The following CRYBG1 variants were observed in gnomAD, a reference collection of about 807,000 sequenced individuals.
CRYBG1 encodes crystallin beta-gamma domain containing 1.
In CRYBG1, 139 loss-of-function variants were observed where a neutral mutation model predicts 189.2. The observed-to-expected ratio is 0.73, with a 90% confidence interval of 0.64 to 0.85. The LOEUF is 0.85. Ranked by LOEUF, CRYBG1 falls within the 40% of genes least tolerant of loss-of-function variation. The pLI is 0.00. For synonymous variants in CRYBG1, 1,023 were observed against 1,017.1 expected (o/e 1.01, Z -0.11); for missense variants, 2,611 against 2,675.8 (o/e 0.98, Z 0.53).
rs1002597970 is a variant in CRYBG1, at chr6:106,385,814, T to C, written c.173+24733T>C. Among the ~76,000 whole-genome samples the C allele has an allele frequency of 3.3e-5, 5 of 152,296 alleles. No individual in the cohort carries two copies. The East Asian group carries it at 9.6e-4, about 29-fold the overall frequency. ...AACCACAGCCTCTCTTAAAAATTCATGACAAACGTTCTTAGCAGCAGGCAG... is the reference window on the plus strand; with the variant it reads ...AACCACAGCCTCTCTTAAAAATTCACGACAAACGTTCTTAGCAGCAGGCAG... On this transcript the variant is annotated intron_variant, in intron 1 of 21. Transcript: ENST00000633556.
At chr6:106,499,177 G>T (rs1772931119) in intron 2 of CRYBG1, among the ~76,000 whole-genome samples, 1 of 129,268 alleles carries the variant, frequency 7.7e-6, no homozygotes, top group Non-Finnish European at 1.6e-5. Context: ...TTTTGAGACG[G>T]AGTCTCTCTC....
intron 2 of CRYBG1, among the ~76,000 whole-genome samples, chr6:106,492,430 A>C (rs6568442): frequency 0.53 from 80,514 of 151,942 alleles, 21,679 homozygotes; most frequent in Non-Finnish European, 0.56. Context: ...GAATTAGATT[A>C]GTATTAGATT....
At chr6:106,454,837 G>C (rs1232556731) in intron 2 of CRYBG1, 1 of 152,344 alleles carries the variant, frequency 6.6e-6, no homozygotes, top group African/African-American at 2.4e-5. Flanking sequence ...ATGCTGGTCC[G>C]AGTGCAGTGG....
intron 13 of CRYBG1, among the ~76,000 whole-genome samples, chr6:106,550,550 AC>A (rs1232590516): frequency 2.7e-5 from 4 of 147,622 alleles, no homozygotes; most frequent in Admixed American, 1.3e-4. Flanking sequence ...AGAGAAAAAA[AC>A]ATTCCAAAAG....
Position 106,512,958 on chromosome 6 carries a change from C to T in CRYBG1, c.1841C>T (p.Pro614Leu), listed in dbSNP as rs745419471. 3.7e-6 allele frequency: 6 copies of T among 1,610,988 alleles called. No individual in the cohort carries two copies. Among genetic ancestry groups the T allele is most frequent in the African/African-American group, 2.7e-5 (2 of 74,926 alleles). The change falls in exon 3 of 22, where the codon CCT becomes CTT. Residue 614 changes from proline to leucine, a missense_variant. Coordinates refer to ENST00000633556, the MANE Select transcript of CRYBG1 (RefSeq NM_001371242.2). ...SRELGRAAGAPGASDADGLKP... is the reference protein window; with the variant it reads ...SRELGRAAGALGASDADGLKP... ...GAGCTGGGCAGAGCGGCCGGAGCGC[C>T]TGGAGCTTCTGACGCCGACGGCTTG...
intron 19 of CRYBG1, 55 bp from the exon 20 acceptor site, chr6:106,561,287 C>A: frequency 6.4e-7 from 1 of 1,560,602 alleles, no homozygotes; most frequent in South Asian, 1.2e-5. Context: ...CATGCTTGTT[C>A]AGTGCTTCCA....
chr6:106,468,065 A>G (rs1772149650), intron 2 of CRYBG1, among the ~76,000 whole-genome samples: 1 of 152,194 alleles, frequency 6.6e-6, no homozygotes. Context: ...AGTGGAATAC[A>G]TGATTAAACT....
At chr6:106,435,134 T>C (rs146007167) in intron 1 of CRYBG1, among the ~76,000 whole-genome samples, 1 of 152,308 alleles carries the variant, frequency 6.6e-6, no homozygotes, top group African/African-American at 2.4e-5. Context: ...TGTGTTCTCC[T>C]GTCCCACTCC....
Position 106,563,707 on chromosome 6 carries a change from C to A in CRYBG1, c.6139-57C>A, listed in dbSNP as rs1009827169. 1.8e-5 allele frequency: 27 copies of A among 1,525,490 alleles called. No homozygotes were observed. The South Asian group carries it at 3.1e-4, about 18-fold the overall frequency. 94.5% of individuals were successfully genotyped at this position (1,525,490 alleles called of 1,614,324 possible). On this transcript the variant is annotated intron_variant, in intron 20 of 21. Coordinates refer to ENST00000633556, the MANE Select transcript of CRYBG1 (RefSeq NM_001371242.2). ...CCCAATGTAACCAGAGAAATAATTG[C>A]TATGAGACTTACAGCTGGATACATA...
intron 2 of CRYBG1, among the ~76,000 whole-genome samples, chr6:106,479,462 G>T (rs554981953): frequency 5.1e-4 from 77 of 152,306 alleles, no homozygotes; most frequent in African/African-American, 1.8e-3. Flanking sequence ...CATAAAACTG[G>T]ATCGTATGGC....
intron 1 of CRYBG1, among the ~76,000 whole-genome samples, chr6:106,408,761 A>G (rs1770871283): frequency 6.6e-6 from 1 of 152,220 alleles, no homozygotes; most frequent in African/African-American, 2.4e-5. Flanking sequence ...AACAGAACCA[A>G]TGACAAAAAC....
At chr6:106,434,125 C>T (rs1167009691) in intron 1 of CRYBG1, among the ~76,000 whole-genome samples, 3 of 149,418 alleles carry the variant, frequency 2.0e-5, no homozygotes, top group East Asian at 2.0e-4. Context: ...TGGCTGGAGG[C>T]CCAGAGCAAA....
intron 9 of CRYBG1, 56 bp downstream of exon 9, chr6:106,539,585 A>G (rs746126652): frequency 4.2e-5 from 65 of 1,565,030 alleles, no homozygotes; most frequent in Non-Finnish European, 5.6e-5. Flanking sequence ...TGACGTGGTA[A>G]TTCACAGGGT....
At chr6:106,563,660 A>G in intron 20 of CRYBG1, 104 bp from the exon 21 acceptor site, 4 of 1,207,576 alleles carry the variant, frequency 3.3e-6, no homozygotes, top group Non-Finnish European at 4.6e-6. Flanking sequence ...AAATGAAGCT[A>G]GGAACTAAGA....
chr6:106,461,028 G>T (rs970005336), intron 2 of CRYBG1, among the ~76,000 whole-genome samples: 1 of 152,066 alleles, frequency 6.6e-6, no homozygotes, highest in African/African-American at 2.4e-5. Flanking sequence ...CTCATGATAT[G>T]CCTGCCTCAG....
At chr6:106,459,639 A>T (rs1243625747) in intron 2 of CRYBG1, among the ~76,000 whole-genome samples, 1 of 151,396 alleles carries the variant, frequency 6.6e-6, no homozygotes, top group Non-Finnish European at 1.5e-5. Flanking sequence ...GTAGTGTTCC[A>T]TATGTAGAAT....
intron 2 of CRYBG1, among the ~76,000 whole-genome samples, chr6:106,497,257 A>G (rs566701365): frequency 3.7e-4 from 57 of 152,292 alleles, no homozygotes; most frequent in African/African-American, 1.3e-3. Flanking sequence ...TGAAGGTAGA[A>G]AGAAACTGAG....
rs570531349 is a variant in CRYBG1, at chr6:106,504,996, A to G, written c.313-6434A>G. 8.6e-5 allele frequency among the ~76,000 whole-genome samples: 13 copies of G among 151,808 alleles called. No homozygotes were observed. In the East Asian group the frequency reaches 2.3e-3, roughly 27 times the overall value. On this transcript the variant is annotated intron_variant, in intron 2 of 21. Transcript: ENST00000633556. The stretch of plus-strand genomic sequence containing the variant: ...TCATAAAAGTCTTTCTTTAAGATGG[A>G]CTGGAGTGCAGTGGTGCAATCTTGG...
intron 2 of CRYBG1, among the ~76,000 whole-genome samples, chr6:106,483,401 T>TATATATATATATATATATATA: frequency 5.2e-5 from 5 of 95,700 alleles, no homozygotes; most frequent in East Asian, 7.7e-4. Flanking sequence ...GATATATATA[T>TATATATATATATATATATATA]AAAACATTTT....
Sources: gnomAD v4.1 joint callset for allele counts (sites outside exome capture counted in the v4.1 genomes callset) on GRCh38, gnomAD v4.1.1 for gene constraint, MANE v1.5 for transcripts, NCBI Gene and HGNC (gene_info 2026-07-23, HGNC 2026-07-21) for gene names.